TRAK1: variants seen among roughly 807,000 people sequenced by gnomAD.
The protein encoded by TRAK1 is trafficking kinesin-binding protein 1.
TRAK1 carries 33 observed loss-of-function variants against 92.1 expected under a neutral mutation model. The observed-to-expected ratio is 0.36, with a 90% CI of 0.27 to 0.48. The LOEUF is 0.48. TRAK1 is among the 20% of genes least tolerant of loss of function. TRAK1 has a pLI of 0.99. For synonymous variants in TRAK1, 521 were observed against 517.3 expected (o/e 1.01, Z -0.10); for missense variants, 1,123 against 1,257.9 (o/e 0.89, Z 1.62).
At chr3:42,038,769 C>G (rs1490307865) in intron 1 of TRAK1, among the ~76,000 whole-genome samples, 1 of 130,268 alleles carries the variant, frequency 7.7e-6, no homozygotes, top group South Asian at 2.4e-4. Flanking sequence ...GCCTGGGTGA[C>G]AGAGTGAGAC....
chr3:42,171,237 T>C (rs995315056), intron 2 of TRAK1, among the ~76,000 whole-genome samples: 6 of 152,154 alleles, frequency 3.9e-5, no homozygotes, highest in African/African-American at 7.2e-5. Flanking sequence ...AATATTCATT[T>C]ATTCATGCCA....
At chr3:42,036,514 T>A (rs1340317142) in intron 1 of TRAK1, among the ~76,000 whole-genome samples, 8 of 152,154 alleles carry the variant, frequency 5.3e-5, no homozygotes, top group Non-Finnish European at 1.5e-5. Flanking sequence ...GGAGCAGGCT[T>A]TCTCTGCAGC....
intron 1 of TRAK1, among the ~76,000 whole-genome samples, chr3:42,068,004 T>A (rs1272304140): frequency 1.3e-5 from 2 of 152,012 alleles, no homozygotes; most frequent in African/African-American, 2.4e-5. Flanking sequence ...AAACTCCGTC[T>A]CTACAGAAGT....
rs183122285 is a variant in TRAK1, at chr3:42,125,701, A to G, written c.286+87A>G. On this transcript the variant is annotated intron_variant, in intron 2 of 15. Coordinates refer to ENST00000327628, the MANE Select transcript of TRAK1 (RefSeq NM_001042646.3). Reference sequence around the variant, plus strand: ...CCCCAAATAAGATCTTGTACTGGCTACCCTGTGATGTGGCTTGCCACCTCT... The same window carrying G: ...CCCCAAATAAGATCTTGTACTGGCTGCCCTGTGATGTGGCTTGCCACCTCT... 512 of 1,452,956 alleles carry G rather than the reference A, an allele frequency of 3.5e-4. 1 individual carries two copies. The African/African-American group carries it at 6.0e-3, about 17-fold the overall frequency. The allele number at this position is 1,452,956 out of a possible 1,614,324, so 90.0% of individuals were successfully genotyped here.
intron 3 of TRAK1, among the ~76,000 whole-genome samples, chr3:42,182,193 T>G (rs554901912): frequency 3.3e-5 from 5 of 152,166 alleles, no homozygotes; most frequent in Non-Finnish European, 7.3e-5. Flanking sequence ...GTGTCCCCTT[T>G]GCCCCGTGAG....
intron 1 of TRAK1, among the ~76,000 whole-genome samples, chr3:42,046,303 CT>C (rs1442830593): frequency 6.7e-6 from 1 of 149,672 alleles, no homozygotes; most frequent in African/African-American, 2.5e-5. Flanking sequence ...AATTTTATAT[CT>C]TTTTGTTGAT....
chr3:42,135,885 A>G (rs1158288810), intron 2 of TRAK1, among the ~76,000 whole-genome samples: 1 of 152,162 alleles, frequency 6.6e-6, no homozygotes, highest in Non-Finnish European at 1.5e-5. Context: ...ATATGTTGCC[A>G]GAATGTCATA....
intron 2 of TRAK1, among the ~76,000 whole-genome samples, chr3:42,176,557 T>TG (rs1403186493): frequency 3.3e-5 from 5 of 152,188 alleles, no homozygotes; most frequent in Non-Finnish European, 7.3e-5. Flanking sequence ...CCTCAGCACA[T>TG]GCTCATACAC....
At chr3:42,166,370 T>C (rs1701865596) in intron 2 of TRAK1, among the ~76,000 whole-genome samples, 1 of 152,176 alleles carries the variant, frequency 6.6e-6, no homozygotes, top group African/African-American at 2.4e-5. Context: ...CATGTGTTTA[T>C]TGCCTTATTA....
Position 42,188,999 on chromosome 3 carries a change from C to A in TRAK1, c.582-17C>A, listed in dbSNP as rs192413950. Reference sequence around the variant, plus strand: ...GAAATGCGTCTCCCTAGGTTGTGAGCGTACTTTCTCCCCCAGGTTGAAGAG... The same window carrying A: ...GAAATGCGTCTCCCTAGGTTGTGAGAGTACTTTCTCCCCCAGGTTGAAGAG... On this transcript the variant is annotated splice_polypyrimidine_tract_variant and intron_variant, in intron 5 of 15. Transcript: ENST00000327628. 6.3e-7 allele frequency: 1 copy of A among 1,577,370 alleles called. No individual in the cohort carries two copies. The highest frequency in any genetic ancestry group is 8.7e-7 in the Non-Finnish European group (1 of 1,146,672).
rs146354495 is a variant in TRAK1 at position 42,098,319 on chromosome 3, C to T, written c.91+6759C>T. Among the ~76,000 whole-genome samples, 16 of 152,268 alleles carry T rather than the reference C, an allele frequency of 1.1e-4. No homozygotes were observed. The East Asian group carries it at 2.9e-3, about 28-fold the overall frequency. Reference sequence around the variant, plus strand: ...AGTAGAGCTTCTTAAGTACAGGCAGCAGGCACTTCACGGGTCGTACTGGGT... The same window carrying T: ...AGTAGAGCTTCTTAAGTACAGGCAGTAGGCACTTCACGGGTCGTACTGGGT... On this transcript the variant is annotated intron_variant, in intron 1 of 15. Coordinates refer to ENST00000327628, the MANE Select transcript of TRAK1 (RefSeq NM_001042646.3).
intron 2 of TRAK1, chr3:42,160,325 C>T (rs780325053): frequency 2.5e-6 from 4 of 1,612,572 alleles, no homozygotes; most frequent in Non-Finnish European, 3.4e-6. Flanking sequence ...AGGATGGTCC[C>T]TTAGGGTGAT....
At chr3:42,050,199 G>A (rs1003913670) in intron 1 of TRAK1, among the ~76,000 whole-genome samples, 9 of 137,282 alleles carry the variant, frequency 6.6e-5, no homozygotes, top group African/African-American at 2.4e-4. Flanking sequence ...GGGTGTGAGA[G>A]TCGGGGGTCT....
At position 42,194,972 on chromosome 3, in the gene TRAK1, CAG is replaced by C. The variant is rs1706384807; in HGVS notation, c.1113+32_1113+33del. On this transcript the variant is annotated intron_variant, in intron 10 of 15. Coordinates refer to ENST00000327628, the MANE Select transcript of TRAK1 (RefSeq NM_001042646.3). ...CTGTGCTTTCTTCCCAGCCAGAGGA[CAG>C]GAGGGGTTCTGGTGACAGGAGCACA... is the stretch of plus-strand genomic sequence containing the variant. The C allele has an allele frequency of 1.9e-6, 3 of 1,611,302 alleles. No individual in the cohort carries two copies. The African/African-American group carries it at 4.0e-5, about 21-fold the overall frequency.
intron 2 of TRAK1, among the ~76,000 whole-genome samples, chr3:42,138,876 GGTGTGTGTGTGTGT>G (rs60025099): frequency 2.2e-4 from 26 of 118,814 alleles, no homozygotes; most frequent in African/African-American, 3.4e-4. Context: ...AAGCATAGGG[GGTGTGTGTGTGTGT>G]GTGTGTGTGT....
In TRAK1 at chr3:42,224,273, T is replaced by C; in HGVS notation, c.*536T>C. 3.1e-6 allele frequency: 1 copy of C among 324,722 alleles called. No homozygotes were observed. Among genetic ancestry groups the C allele is most frequent in the Non-Finnish European group, 5.9e-6 (1 of 169,338 alleles). The allele number at this position is 324,722 out of a possible 1,614,324, so 20.1% of individuals were successfully genotyped here. ...TTTCCTGATCGGAGGGCTTTTCTTT[T>C]ATGGGTGGCCCAGCTTCTTCAAGAC... is the stretch of plus-strand genomic sequence containing the variant. On this transcript the variant is annotated 3_prime_UTR_variant, in exon 16 of 16. Coordinates refer to ENST00000327628, the MANE Select transcript of TRAK1 (RefSeq NM_001042646.3).
chr3:42,092,751 ATGT>A (rs1352633026), intron 1 of TRAK1, among the ~76,000 whole-genome samples: 2 of 149,724 alleles, frequency 1.3e-5, no homozygotes, highest in Admixed American at 6.9e-5. Context: ...ATGTTATGTT[ATGT>A]TATGTTATGT....
At chr3:42,108,548 T>C (rs560000300) in intron 1 of TRAK1, among the ~76,000 whole-genome samples, 65 of 141,786 alleles carry the variant, frequency 4.6e-4, no homozygotes, top group African/African-American at 1.7e-3. Context: ...TTCCCTAACC[T>C]AACCCACATC....
At chr3:42,220,495 G>A (rs1435107115) in intron 15 of TRAK1, 1 of 985,396 alleles carries the variant, frequency 1.0e-6, no homozygotes, top group Non-Finnish European at 1.2e-6. Flanking sequence ...ATAATTCTCC[G>A]CAGGTCATGT....
Sources: allele counts gnomAD v4.1 joint callset (sites outside exome capture counted in the v4.1 genomes callset), GRCh38; gene constraint gnomAD v4.1.1; transcripts MANE v1.5; gene names NCBI Gene and HGNC (gene_info 2026-07-23, HGNC 2026-07-21).